Variants in PSD3 observed in about 807,000 individuals in gnomAD.
PSD3 encodes the protein PH and SEC7 domain-containing protein 3.
Under a neutral mutation model 105.5 loss-of-function variants are expected in PSD3, and 49 were observed. The observed-to-expected ratio is 0.46, with a 90% CI of 0.37 to 0.59. The LOEUF (loss-of-function observed/expected upper bound fraction) is 0.59. Ranked by LOEUF, PSD3 falls within the 20% of genes least tolerant of loss-of-function variation. The pLI is 0.00. For missense variants in PSD3, 1,561 were observed against 1,263.8 expected (o/e 1.24, Z -3.57); for synonymous variants, 557 against 457.8 (o/e 1.22, Z -2.77).
intron 15 of PSD3, among the ~76,000 whole-genome samples, chr8:18,543,339 G>A (rs1421710268): frequency 6.6e-6 from 1 of 152,054 alleles, no homozygotes; most frequent in Non-Finnish European, 1.5e-5. Context: ...ATATGGCCAG[G>A]CGCGGTGACT....
intron 2 of PSD3, among the ~76,000 whole-genome samples, chr8:18,896,424 T>G (rs1340925210): frequency 6.6e-6 from 1 of 152,216 alleles, no homozygotes; most frequent in Non-Finnish European, 1.5e-5. Flanking sequence ...TACTTTTATT[T>G]TATTTTTGAG....
At chr8:18,615,162 TG>T (rs1563380933) in intron 11 of PSD3, among the ~76,000 whole-genome samples, 3 of 95,730 alleles carry the variant, frequency 3.1e-5, no homozygotes, top group Non-Finnish European at 8.0e-5. Flanking sequence ...TACTCCACCC[TG>T]ACTCATTCCA....
At chr8:18,603,344 G>C (rs1804575831) in intron 11 of PSD3, among the ~76,000 whole-genome samples, 1 of 151,938 alleles carries the variant, frequency 6.6e-6, no homozygotes, top group Non-Finnish European at 1.5e-5. Context: ...GCTACTGTCA[G>C]TTTAATGTTT....
At chr8:18,798,527 A>G (rs1465064205) in intron 8 of PSD3, among the ~76,000 whole-genome samples, 1 of 152,140 alleles carries the variant, frequency 6.6e-6, no homozygotes, top group Non-Finnish European at 1.5e-5. Flanking sequence ...AGAATATCTA[A>G]ATATCAATTT....
At chr8:18,635,073 A>T (rs1807159278) in intron 10 of PSD3, among the ~76,000 whole-genome samples, 2 of 152,296 alleles carry the variant, frequency 1.3e-5, no homozygotes, top group South Asian at 4.1e-4. Flanking sequence ...TTAGGTTATA[A>T]TCAAATACTA....
At chr8:18,569,186 T>A (rs1801985553) in intron 14 of PSD3, among the ~76,000 whole-genome samples, 2 of 133,956 alleles carry the variant, frequency 1.5e-5, no homozygotes, top group African/African-American at 5.5e-5. Flanking sequence ...TGTGTCTTTA[T>A]AGCAGCATGA....
intron 1 of PSD3, among the ~76,000 whole-genome samples, chr8:18,999,215 G>A (rs1826240837): frequency 6.6e-6 from 1 of 151,860 alleles, no homozygotes; most frequent in South Asian, 2.1e-4. Flanking sequence ...TGTTTCTGAA[G>A]TTATGTATAC....
intron 1 of PSD3, among the ~76,000 whole-genome samples, chr8:19,079,997 C>T (rs1040480176): frequency 6.7e-6 from 1 of 149,080 alleles, no homozygotes; most frequent in Admixed American, 6.8e-5. Context: ...TCAAGCGATT[C>T]TCCTGCCTTA....
At chr8:18,773,864 A>G (rs1807781539) in intron 8 of PSD3, among the ~76,000 whole-genome samples, 1 of 152,220 alleles carries the variant, frequency 6.6e-6, no homozygotes, top group South Asian at 2.1e-4. Context: ...AGTCTTAACA[A>G]TAAAGTTCCA....
intron 4 of PSD3, among the ~76,000 whole-genome samples, chr8:18,813,763 C>A (rs1018416190): frequency 6.6e-6 from 1 of 152,136 alleles, no homozygotes; most frequent in Non-Finnish European, 1.5e-5. Flanking sequence ...GTCTGTAACC[C>A]TTAAGGTTTT....
intron 1 of PSD3, among the ~76,000 whole-genome samples, chr8:19,049,088 C>T (rs1244235579): frequency 2.0e-5 from 3 of 152,168 alleles, no homozygotes; most frequent in Non-Finnish European, 4.4e-5. Flanking sequence ...CTTTAAATCC[C>T]TATCTAATTT....
intron 12 of PSD3, among the ~76,000 whole-genome samples, chr8:18,599,749 T>C (rs1048166257): frequency 6.6e-5 from 10 of 152,136 alleles, no homozygotes; most frequent in African/African-American, 1.4e-4. Flanking sequence ...TTTTCTTATA[T>C]GTGGATTCAA....
At chr8:18,552,293 G>C (rs974729274) in intron 15 of PSD3, among the ~76,000 whole-genome samples, 4 of 152,146 alleles carry the variant, frequency 2.6e-5, no homozygotes, top group African/African-American at 9.7e-5. Context: ...TTAATTTAAG[G>C]AGTATGTTAA....
intron 11 of PSD3, among the ~76,000 whole-genome samples, chr8:18,620,665 A>G (rs944674503): frequency 2.0e-5 from 3 of 152,156 alleles, no homozygotes. Context: ...AGCCCAGATC[A>G]CACCACTGCA....
intron 9 of PSD3, among the ~76,000 whole-genome samples, chr8:18,753,228 G>A (rs369432787): frequency 3.0e-4 from 45 of 151,764 alleles, no homozygotes; most frequent in Non-Finnish European, 5.3e-4. Flanking sequence ...GGTAGCGTGC[G>A]CCTTAGTCCC....
chr8:18,880,617 C>G (rs929669151), intron 2 of PSD3, among the ~76,000 whole-genome samples: 3 of 152,320 alleles, frequency 2.0e-5, no homozygotes, highest in African/African-American at 7.2e-5. Context: ...CCATCATCTC[C>G]TCATCTCCTC....
chr8:18,803,656 C>A (rs1444687266), intron 6 of PSD3, among the ~76,000 whole-genome samples: 1 of 151,746 alleles, frequency 6.6e-6, no homozygotes, highest in Non-Finnish European at 1.5e-5. Flanking sequence ...ACCTTGAAGA[C>A]ATTATGCTAA....
intron 1 of PSD3, among the ~76,000 whole-genome samples, chr8:18,946,697 C>G (rs1822875600): frequency 6.6e-6 from 1 of 151,798 alleles, no homozygotes; most frequent in Admixed American, 6.6e-5. Context: ...GTCAGGAGTT[C>G]AAGACAAGCC....
intron 4 of PSD3, among the ~76,000 whole-genome samples, chr8:18,829,806 T>A (rs73666729): frequency 6.6e-6 from 1 of 152,246 alleles, no homozygotes; most frequent in African/African-American, 2.4e-5. Flanking sequence ...CTCTACCGTT[T>A]GAGAGAATTT....
Sources: allele counts gnomAD v4.1 joint callset (sites outside exome capture counted in the v4.1 genomes callset), GRCh38; gene constraint gnomAD v4.1.1; transcripts MANE v1.5; gene names NCBI Gene and HGNC (gene_info 2026-07-23, HGNC 2026-07-21).